Variants in TRAPPC9 observed in about 807,000 individuals in gnomAD.
The protein encoded by TRAPPC9 is trafficking protein particle complex subunit 9, also known as IKK2 binding protein.
Under a neutral mutation model 124.0 loss-of-function variants are expected in TRAPPC9, and 83 were observed. The observed-to-expected ratio is 0.67, with a 90% CI of 0.56 to 0.80. The LOEUF (loss-of-function observed/expected upper bound fraction) is 0.80. TRAPPC9 is among the 30% of genes least tolerant of loss of function. The pLI, the probability that TRAPPC9 is intolerant of heterozygous loss-of-function variation, is 0.00. For missense variants in TRAPPC9, 1,302 were observed against 1,508.3 expected, an observed-to-expected ratio of 0.86 and a Z score of 2.27; for synonymous variants, 638 against 617.5, an observed-to-expected ratio of 1.03 and a Z score of -0.49.
chr8:140,165,301 A>G (rs527332650), intron 17 of TRAPPC9, among the ~76,000 whole-genome samples: 1 of 152,180 alleles, frequency 6.6e-6, no homozygotes, highest in South Asian at 2.1e-4. Context: ...AGATCGCACC[A>G]CTATACTCCA....
chr8:140,174,221 G>A (rs1178561060), intron 17 of TRAPPC9, among the ~76,000 whole-genome samples: 1 of 152,068 alleles, frequency 6.6e-6, no homozygotes, highest in African/African-American at 2.4e-5. Flanking sequence ...AGGCCTCTTG[G>A]AGGATGGAGG....
intron 12 of TRAPPC9, 28 bp from the exon 13 acceptor site, chr8:140,287,762 C>A (rs772263900): frequency 6.2e-7 from 1 of 1,613,844 alleles, no homozygotes; most frequent in Admixed American, 1.7e-5. Context: ...GCATCGTAAG[C>A]CCGGAGCAAA....
chr8:140,074,438 C>T (rs1843373951), intron 17 of TRAPPC9, among the ~76,000 whole-genome samples: 1 of 152,260 alleles, frequency 6.6e-6, no homozygotes, highest in Non-Finnish European at 1.5e-5. Flanking sequence ...TCTTCCTCAT[C>T]TCCAAAAGGG....
intron 7 of TRAPPC9, among the ~76,000 whole-genome samples, chr8:140,381,448 A>G (rs948175155): frequency 2.6e-5 from 4 of 151,962 alleles, no homozygotes; most frequent in Non-Finnish European, 4.4e-5. Flanking sequence ...TGGGCGGATC[A>G]TGAGGTCAGG....
intron 19 of TRAPPC9, among the ~76,000 whole-genome samples, chr8:139,978,011 A>G (rs539699209): frequency 1.3e-5 from 2 of 152,110 alleles, no homozygotes; most frequent in African/African-American, 4.8e-5. Flanking sequence ...GGACTAAAAA[A>G]AGAGAAAGAA....
intron 9 of TRAPPC9, among the ~76,000 whole-genome samples, chr8:140,356,386 C>G (rs561108840): frequency 6.6e-6 from 1 of 152,186 alleles, no homozygotes; most frequent in Admixed American, 6.5e-5. Context: ...GGAGTGGAGA[C>G]AGTCGGCTCA....
chr8:139,833,950 G>A (rs547813869), intron 21 of TRAPPC9, among the ~76,000 whole-genome samples: 13 of 152,322 alleles, frequency 8.5e-5, no homozygotes, highest in African/African-American at 2.6e-4. Context: ...CCTTGGCGGT[G>A]GAGGAAACGC....
chr8:140,082,813 A>G (rs1010110572), intron 17 of TRAPPC9, among the ~76,000 whole-genome samples: 5 of 152,358 alleles, frequency 3.3e-5, no homozygotes, highest in Non-Finnish European at 7.3e-5. Context: ...TATTTCAGAC[A>G]AGGGGCATCC....
intron 17 of TRAPPC9, among the ~76,000 whole-genome samples, chr8:140,064,657 T>G (rs1055121009): frequency 9.2e-5 from 14 of 152,308 alleles, no homozygotes; most frequent in African/African-American, 3.1e-4. Context: ...GGCAGGAAGC[T>G]GTGAAGAAAA....
chr8:140,375,596 C>G (rs1338503549), intron 7 of TRAPPC9, among the ~76,000 whole-genome samples: 3 of 152,192 alleles, frequency 2.0e-5, no homozygotes, highest in African/African-American at 7.2e-5. Flanking sequence ...AAACAGGGAT[C>G]ATCAAATCTA....
intron 17 of TRAPPC9, among the ~76,000 whole-genome samples, chr8:140,091,475 A>T (rs1465701339): frequency 6.6e-6 from 1 of 152,196 alleles, no homozygotes; most frequent in Non-Finnish European, 1.5e-5. Context: ...CCAAGTTTCC[A>T]GCTGAGCTTG....
At position 140,444,686 on chromosome 8, in the gene TRAPPC9, C is replaced by T. The variant is rs566445132; in HGVS notation, c.585-5489G>A. On this transcript the variant is annotated intron_variant, in intron 2 of 22. Transcript: ENST00000438773. The stretch of plus-strand genomic sequence containing the variant: ...GACCAGCCTAGCCAACATGGTGAGA[C>T]CCCCCCCATCTCTACTAAAAATACA... 1.1e-4 allele frequency among the ~76,000 whole-genome samples: 14 copies of T among 127,848 alleles called. No homozygotes were observed. In the South Asian group the frequency reaches 3.2e-3, roughly 29 times the overall value. 83.9% of individuals were successfully genotyped at this position (127,848 alleles called of 152,430 possible). A position where few individuals can be genotyped will look rare whatever the true frequency, so the allele number is the denominator to read the frequency against.
At chr8:140,111,435 C>G (rs1454120050) in intron 17 of TRAPPC9, among the ~76,000 whole-genome samples, 2 of 152,180 alleles carry the variant, frequency 1.3e-5, no homozygotes, top group African/African-American at 4.8e-5. Flanking sequence ...CTTACTGTTG[C>G]TGCCTCTGGA....
chr8:140,138,293 C>T (rs1206520285), intron 17 of TRAPPC9, among the ~76,000 whole-genome samples: 3 of 150,870 alleles, frequency 2.0e-5, no homozygotes, highest in African/African-American at 4.9e-5. Context: ...CAGAGTGAGA[C>T]CCCAATCTCA....
intron 21 of TRAPPC9, among the ~76,000 whole-genome samples, chr8:139,790,669 TGCACAGGACAGCCCCACG>T (rs1822598665): frequency 6.6e-6 from 1 of 152,152 alleles, no homozygotes. Context: ...CGTCTGACAA[TGCACAGGACAGCCCCACG>T]GCACAGGATG....
chr8:140,434,088 A>G (rs2070736291), intron 4 of TRAPPC9, among the ~76,000 whole-genome samples: 1 of 152,188 alleles, frequency 6.6e-6, no homozygotes, highest in Non-Finnish European at 1.5e-5. Flanking sequence ...CTACCACTTC[A>G]TTTACAAGAG....
intron 7 of TRAPPC9, among the ~76,000 whole-genome samples, chr8:140,375,003 G>A (rs2068393745): frequency 6.6e-6 from 1 of 152,142 alleles, no homozygotes; most frequent in Non-Finnish European, 1.5e-5. Flanking sequence ...TTCCTTAATG[G>A]GAAAAGCTCG....
chr8:139,752,141 C>A (rs947680970), intron 21 of TRAPPC9, among the ~76,000 whole-genome samples: 2 of 150,542 alleles, frequency 1.3e-5, no homozygotes, highest in East Asian at 4.0e-4. Flanking sequence ...ATCTATATAT[C>A]GATCCATCTA....
intron 19 of TRAPPC9, among the ~76,000 whole-genome samples, chr8:139,916,216 T>A (rs1832119799): frequency 6.6e-6 from 1 of 152,210 alleles, no homozygotes; most frequent in Non-Finnish European, 1.5e-5. Flanking sequence ...CCTCACAATG[T>A]GCAAAACACA....
Sources: allele counts gnomAD v4.1 joint callset (sites outside exome capture counted in the v4.1 genomes callset), GRCh38; gene constraint gnomAD v4.1.1; transcripts MANE v1.5; gene names NCBI Gene and HGNC (gene_info 2026-07-23, HGNC 2026-07-21).